The following COLEC10 variants were observed in gnomAD, a reference collection of about 807,000 sequenced individuals.
COLEC10 encodes collectin subfamily member 10.
A neutral mutation model predicts 28.4 loss-of-function variants in COLEC10; 22 were observed. The observed-to-expected ratio is 0.78, with a 90% confidence interval of 0.55 to 1.11. The LOEUF (loss-of-function observed/expected upper bound fraction) is 1.11. Ranked by LOEUF, COLEC10 falls within the 50% of genes least tolerant of loss-of-function variation. The pLI, the probability that COLEC10 is intolerant of heterozygous loss-of-function variation, is 0.00. For missense variants in COLEC10, 361 were observed against 344.1 expected (o/e 1.05, Z -0.39); for synonymous variants, 125 against 116.1 (o/e 1.08, Z -0.49).
At chr8:119,052,710 ATCTT>A (rs148390093) in intron 2 of COLEC10, among the ~76,000 whole-genome samples, 1 of 152,264 alleles carries the variant, frequency 6.6e-6, no homozygotes, top group Non-Finnish European at 1.5e-5. Context: ...GTGCCATTCT[ATCTT>A]CAGGGAAGAG....
chr8:119,096,662 C>A (rs1284537957), intron 3 of COLEC10, among the ~76,000 whole-genome samples: 8 of 151,988 alleles, frequency 5.3e-5, no homozygotes, highest in Non-Finnish European at 1.2e-4. Context: ...AAAAAGGAAA[C>A]CACAGAATTG....
chr8:118,972,080 C>T, the COLEC10 span, among the ~76,000 whole-genome samples: 1 of 151,918 alleles, frequency 6.6e-6, no homozygotes, highest in Non-Finnish European at 1.5e-5. Flanking sequence ...GTGGCTTCTT[C>T]CTAAACTTTT....
At chr8:119,104,844 T>C (rs538011428) in intron 5 of COLEC10, among the ~76,000 whole-genome samples, 2 of 152,304 alleles carry the variant, frequency 1.3e-5, no homozygotes, top group South Asian at 4.1e-4. Context: ...AGGGAGAACA[T>C]AGAGCAATAG....
the COLEC10 span, among the ~76,000 whole-genome samples, chr8:118,957,675 G>C: frequency 2.0e-5 from 3 of 152,214 alleles, no homozygotes; most frequent in African/African-American, 7.2e-5. Context: ...AATGTGGCTA[G>C]AGTGGAAGCA....
intron 1 of COLEC10, among the ~76,000 whole-genome samples, chr8:118,999,026 A>G (rs1409213717): frequency 6.6e-6 from 1 of 152,120 alleles, no homozygotes; most frequent in African/African-American, 2.4e-5. Context: ...TTTTCATAAG[A>G]ACCCCAGGCA....
the COLEC10 span, among the ~76,000 whole-genome samples, chr8:118,974,126 A>G: frequency 6.6e-6 from 1 of 152,014 alleles, no homozygotes; most frequent in East Asian, 1.9e-4. Context: ...TGCTATCTAT[A>G]ACAGCAATTC....
the COLEC10 span, among the ~76,000 whole-genome samples, chr8:118,987,701 A>G: frequency 1.3e-5 from 2 of 152,204 alleles, no homozygotes; most frequent in Non-Finnish European, 2.9e-5. Context: ...ACTATCATTC[A>G]TGTGAATGGC....
At chr8:119,094,949 A>G (rs1283992446) in intron 3 of COLEC10, among the ~76,000 whole-genome samples, 1 of 152,208 alleles carries the variant, frequency 6.6e-6, no homozygotes, top group Non-Finnish European at 1.5e-5. Flanking sequence ...TGAAATTAGC[A>G]CAGCCCTCTA....
intron 1 of COLEC10, among the ~76,000 whole-genome samples, chr8:119,086,100 A>G (rs1305413782): frequency 6.6e-6 from 1 of 152,220 alleles, no homozygotes; most frequent in Non-Finnish European, 1.5e-5. Flanking sequence ...GATTCCAACT[A>G]GAATTCAATT....
intron 3 of COLEC10, among the ~76,000 whole-genome samples, chr8:119,092,801 G>T (rs1815635450): frequency 6.6e-6 from 1 of 152,116 alleles, no homozygotes; most frequent in Non-Finnish European, 1.5e-5. Flanking sequence ...CACTACTGGG[G>T]AGGCTAAGGT....
intron 1 of COLEC10, among the ~76,000 whole-genome samples, chr8:119,086,290 T>C (rs1422449365): frequency 1.3e-5 from 2 of 152,144 alleles, no homozygotes; most frequent in Non-Finnish European, 2.9e-5. Context: ...AATTTTCAAA[T>C]ACAAGTGGCT....
chr8:118,968,540 GA>G, the COLEC10 span, among the ~76,000 whole-genome samples: 1 of 151,784 alleles, frequency 6.6e-6, no homozygotes, highest in Non-Finnish European at 1.5e-5. Flanking sequence ...GAGCATCCCA[GA>G]ATTTCAGAAT....
At chr8:119,065,452 T>C (rs1462068741), upstream of COLEC10, among the ~76,000 whole-genome samples, 7 of 152,258 alleles carry the variant, frequency 4.6e-5, no homozygotes, top group Middle Eastern at 3.4e-3. Context: ...GAGCATCTAG[T>C]TGTAGTAAAA....
At chr8:118,964,627 T>TTTA in the COLEC10 span, among the ~76,000 whole-genome samples, 1 of 152,164 alleles carries the variant, frequency 6.6e-6, no homozygotes, top group Non-Finnish European at 1.5e-5. Context: ...ATATGACCTG[T>TTTA]TTATTTAAGG....
intron 2 of COLEC10, among the ~76,000 whole-genome samples, chr8:119,041,210 C>A (rs1383515693): frequency 6.6e-6 from 1 of 152,114 alleles, no homozygotes; most frequent in Non-Finnish European, 1.5e-5. Flanking sequence ...GCTGCATGTA[C>A]TGCCTAATGC....
Position 119,084,548 on chromosome 8 carries a change from T to C in COLEC10, c.149-5132T>C, listed in dbSNP as rs908912773. Among the ~76,000 whole-genome samples the C allele has an allele frequency of 3.9e-5, 6 of 152,356 alleles. No homozygotes were observed. The South Asian group carries it at 1.2e-3, about 32-fold the overall frequency. On this transcript the variant is annotated intron_variant, in intron 1 of 5. Coordinates refer to ENST00000332843, the MANE Select transcript of COLEC10 (RefSeq NM_006438.5). ...CTTCTAACTACTCATTTCTTCCTTG[T>C]ATGAGATTGTATATAGCACAGCAGT...
chr8:118,997,001 C>T (rs1027141609), intron 1 of COLEC10, among the ~76,000 whole-genome samples: 9 of 152,168 alleles, frequency 5.9e-5, no homozygotes, highest in Non-Finnish European at 7.3e-5. Flanking sequence ...CCATGACAAA[C>T]GCCTCTTTCC....
chr8:118,984,727 G>A, the COLEC10 span, among the ~76,000 whole-genome samples: 1 of 152,034 alleles, frequency 6.6e-6, no homozygotes, highest in East Asian at 1.9e-4. Context: ...AGGAAAGGGA[G>A]GTATATTAGT....
intron 2 of COLEC10, among the ~76,000 whole-genome samples, chr8:119,090,436 A>G (rs1815567304): frequency 6.6e-6 from 1 of 152,218 alleles, no homozygotes. Flanking sequence ...GCCCTAGACC[A>G]CTTATTTTAA....
Sources: gnomAD v4.1 joint callset for allele counts (sites outside exome capture counted in the v4.1 genomes callset) on GRCh38, gnomAD v4.1.1 for gene constraint, MANE v1.5 for transcripts, NCBI Gene and HGNC (gene_info 2026-07-23, HGNC 2026-07-21) for gene names.